VPS8: variants seen among roughly 807,000 people sequenced by gnomAD.
The protein encoded by VPS8 is vacuolar protein sorting-associated protein 8 homolog.
A neutral mutation model predicts 216.4 loss-of-function variants in VPS8; 129 were observed. That is an observed-to-expected ratio of 0.60 (90% confidence interval 0.52 to 0.69). The LOEUF (loss-of-function observed/expected upper bound fraction) is 0.69, where lower values mean the gene tolerates loss of function less well. Ranked by LOEUF, VPS8 falls within the 30% of genes least tolerant of loss-of-function variation. The probability of loss-of-function intolerance (pLI) is 0.00; values close to 1 mark genes in which losing one functional copy is unlikely to be tolerated. For missense variants in VPS8, 1,531 were observed against 1,683.5 expected (o/e 0.91, Z 1.59); for synonymous variants, 571 against 565.4 (o/e 1.01, Z -0.14).
chr3:184,856,021 C>T (rs974923376), intron 14 of VPS8, among the ~76,000 whole-genome samples: 3 of 152,176 alleles, frequency 2.0e-5, no homozygotes, highest in Non-Finnish European at 4.4e-5. Flanking sequence ...GTTTATTTCT[C>T]AGCTTCATTT....
At chr3:184,943,889 G>A (rs1162375708) in intron 36 of VPS8, among the ~76,000 whole-genome samples, 2 of 152,222 alleles carry the variant, frequency 1.3e-5, no homozygotes, top group Admixed American at 6.5e-5. Flanking sequence ...ACCACCTGAG[G>A]TCAGGAGTTC....
intron 45 of VPS8, among the ~76,000 whole-genome samples, chr3:185,011,589 T>A (rs561189032): frequency 1.3e-5 from 2 of 152,358 alleles, no homozygotes; most frequent in South Asian, 4.1e-4. Context: ...AGCAGAGATT[T>A]CAGCAGCTGC....
At chr3:184,877,515 A>C (rs935131435) in intron 21 of VPS8, among the ~76,000 whole-genome samples, 2 of 152,232 alleles carry the variant, frequency 1.3e-5, no homozygotes, top group African/African-American at 4.8e-5. Flanking sequence ...ATGATGGCTC[A>C]TGTGGTGTGC....
intron 45 of VPS8, among the ~76,000 whole-genome samples, chr3:185,020,221 G>T (rs548737541): frequency 1.3e-5 from 2 of 152,288 alleles, no homozygotes; most frequent in South Asian, 2.1e-4. Context: ...ATTAGTTATG[G>T]TATGTCTAGG....
At chr3:184,886,023 T>G in intron 21 of VPS8, 87 bp from the exon 22 acceptor site, 2 of 1,434,088 alleles carry the variant, frequency 1.4e-6, no homozygotes, top group South Asian at 2.6e-5. Context: ...CCTAACAATC[T>G]AAAAGCATCT....
Position 184,849,194 on chromosome 3 carries a change from AG to A in VPS8, c.666+1del. On this transcript the variant is annotated frameshift_variant and splice_region_variant, in exon 9 of 48. Transcript: ENST00000625842. LOFTEE classifies it high-confidence loss of function. Reference sequence around the variant, plus strand: ...CTTCTTTGTGGCTTTGCTAAAGGACAGGTAAGATATGAACCTCCTTTAATTC... The same window carrying A: ...CTTCTTTGTGGCTTTGCTAAAGGACAGTAAGATATGAACCTCCTTTAATTC... ...SRLLCGFAKG[Q>X]ITMWDLASGK... The A allele has an allele frequency of 2.5e-6, 4 of 1,612,416 alleles. No individual in the cohort carries two copies. The highest frequency in any genetic ancestry group is 2.5e-6 in the Non-Finnish European group (3 of 1,179,062).
chr3:185,048,339 A>T, intron 46 of VPS8, 140 bp from the exon 47 acceptor site: 1 of 785,264 alleles, frequency 1.3e-6, no homozygotes, highest in Non-Finnish European at 2.1e-6. Context: ...TTCAGTATAT[A>T]TCTCACTAAT....
intron 45 of VPS8, among the ~76,000 whole-genome samples, chr3:185,002,716 T>C (rs1434766887): frequency 6.6e-6 from 1 of 152,202 alleles, no homozygotes. Context: ...GGTTTTCCAT[T>C]CCTGAGTTAC....
At chr3:184,966,221 A>G (rs570844158) in intron 38 of VPS8, among the ~76,000 whole-genome samples, 41 of 152,256 alleles carry the variant, frequency 2.7e-4, no homozygotes, top group Non-Finnish European at 5.0e-4. Flanking sequence ...TCCAGCTCTC[A>G]TGTAAACTGA....
intron 42 of VPS8, among the ~76,000 whole-genome samples, chr3:184,985,956 G>C (rs550159754): frequency 4.3e-4 from 66 of 152,292 alleles, no homozygotes; most frequent in African/African-American, 1.6e-3. Context: ...AGAAAAAGCT[G>C]ATGCACATGA....
chr3:184,988,213 G>A (rs994223181), intron 42 of VPS8, among the ~76,000 whole-genome samples: 2 of 152,110 alleles, frequency 1.3e-5, no homozygotes, highest in African/African-American at 4.8e-5. Context: ...ATATGCTTTT[G>A]ATGTTGTATG....
chr3:184,927,249 T>C (rs1455567545), intron 31 of VPS8, among the ~76,000 whole-genome samples: 1 of 152,218 alleles, frequency 6.6e-6, no homozygotes, highest in Non-Finnish European at 1.5e-5. Context: ...CAACCCATTT[T>C]GTATTGATAG....
intron 47 of VPS8, among the ~76,000 whole-genome samples, chr3:185,048,913 C>T (rs1713571284): frequency 6.6e-6 from 1 of 152,204 alleles, no homozygotes; most frequent in Admixed American, 6.5e-5. Flanking sequence ...CTAGACCCTC[C>T]TGGGCATCTG....
At chr3:184,955,352 AT>A (rs1334827403) in intron 36 of VPS8, among the ~76,000 whole-genome samples, 1 of 152,190 alleles carries the variant, frequency 6.6e-6, no homozygotes, top group Admixed American at 6.5e-5. Context: ...GATCTTTCTT[AT>A]AAGTGCATAG....
intron 34 of VPS8, 66 bp downstream of exon 34, chr3:184,930,634 C>T: frequency 5.0e-6 from 6 of 1,198,498 alleles, no homozygotes; most frequent in East Asian, 2.3e-5. Context: ...TAACTTTATG[C>T]CAACGAAGCA....
At chr3:184,880,112 G>A (rs1330504929) in intron 21 of VPS8, among the ~76,000 whole-genome samples, 3 of 152,034 alleles carry the variant, frequency 2.0e-5, no homozygotes, top group Non-Finnish European at 4.4e-5. Context: ...TGTGATATTT[G>A]TAAATTCATA....
chr3:184,957,324 G>T, intron 36 of VPS8, 50 bp from the exon 37 acceptor site: 1 of 1,545,374 alleles, frequency 6.5e-7, no homozygotes, highest in Non-Finnish European at 8.8e-7. Flanking sequence ...TTATAGATGT[G>T]ATTAAATAAT....
At chr3:185,047,337 A>G (rs138693841) in intron 46 of VPS8, among the ~76,000 whole-genome samples, 34 of 151,922 alleles carry the variant, frequency 2.2e-4, no homozygotes, top group African/African-American at 7.5e-4. Context: ...TATGTGATGT[A>G]GCTATAGTCA....
chr3:184,887,109 G>T (rs571494851), intron 22 of VPS8, among the ~76,000 whole-genome samples: 4 of 152,290 alleles, frequency 2.6e-5, no homozygotes, highest in Admixed American at 2.6e-4. Context: ...GTGGGAGGCC[G>T]AGGTGGGAGG....
Sources: allele counts gnomAD v4.1 joint callset (sites outside exome capture counted in the v4.1 genomes callset), GRCh38; gene constraint gnomAD v4.1.1; transcripts MANE v1.5; gene names NCBI Gene and HGNC (gene_info 2026-07-23, HGNC 2026-07-21).